EPHA6: variants seen among roughly 807,000 people sequenced by gnomAD.
The protein encoded by EPHA6 is ephrin type-A receptor 6.
EPHA6 carries 50 observed loss-of-function variants against 112.0 expected under a neutral mutation model. That is an observed-to-expected ratio of 0.45 (90% CI 0.36 to 0.56). The LOEUF is 0.56. Ranked by LOEUF, EPHA6 falls within the 20% of genes least tolerant of loss-of-function variation. EPHA6 has a pLI of 0.00. For synonymous variants in EPHA6, 529 were observed against 490.7 expected (o/e 1.08, Z -1.03); for missense variants, 1,280 against 1,417.4 (o/e 0.90, Z 1.56).
intron 14 of EPHA6, among the ~76,000 whole-genome samples, chr3:97,655,357 T>C (rs564271899): frequency 2.9e-4 from 44 of 151,896 alleles, no homozygotes; most frequent in Non-Finnish European, 3.7e-4. Flanking sequence ...TTCTGTCATA[T>C]GCAAACTCCC....
intron 7 of EPHA6, among the ~76,000 whole-genome samples, chr3:97,467,125 G>A (rs186177139): frequency 6.6e-6 from 1 of 151,600 alleles, no homozygotes; most frequent in Non-Finnish European, 1.5e-5. Flanking sequence ...AAAGAGAAAC[G>A]CTATGAGGAA....
At chr3:97,084,113 T>TATATGG (rs1402711447) in intron 3 of EPHA6, among the ~76,000 whole-genome samples, 7 of 123,666 alleles carry the variant, frequency 5.7e-5, no homozygotes, top group Admixed American at 7.7e-5. Context: ...TATATATATA[T>TATATGG]ATATATATAT....
chr3:97,025,881 C>T (rs1286289779), intron 3 of EPHA6, among the ~76,000 whole-genome samples: 1 of 152,114 alleles, frequency 6.6e-6, no homozygotes, highest in African/African-American at 2.4e-5. Flanking sequence ...AGCCACCACA[C>T]CTGGCCTACA....
At chr3:97,001,300 G>A (rs577950309) in intron 3 of EPHA6, among the ~76,000 whole-genome samples, 6 of 151,808 alleles carry the variant, frequency 4.0e-5, no homozygotes, top group Non-Finnish European at 8.8e-5. Context: ...CATTCAAATT[G>A]TTTTTAAGAT....
intron 16 of EPHA6, among the ~76,000 whole-genome samples, chr3:97,744,594 G>A (rs1332464444): frequency 6.6e-6 from 1 of 151,888 alleles, no homozygotes; most frequent in Non-Finnish European, 1.5e-5. Flanking sequence ...GGAGAGAAAG[G>A]GAATTATGGT....
chr3:97,187,582 CAA>C (rs756097255), intron 3 of EPHA6, among the ~76,000 whole-genome samples: 12 of 26,570 alleles, frequency 4.5e-4, no homozygotes, highest in Non-Finnish European at 5.3e-4. Context: ...CTCAAAACGT[CAA>C]AAAAAAAAAA....
chr3:96,956,999 C>T (rs895744986), intron 2 of EPHA6, among the ~76,000 whole-genome samples: 2 of 149,418 alleles, frequency 1.3e-5, no homozygotes, highest in Non-Finnish European at 3.0e-5. Flanking sequence ...CACCACTGCA[C>T]TCCAGCCTGG....
intron 1 of EPHA6, among the ~76,000 whole-genome samples, chr3:96,841,795 T>A (rs2034767446): frequency 6.6e-6 from 1 of 152,144 alleles, no homozygotes; most frequent in South Asian, 2.1e-4. Flanking sequence ...TTTTTATCTT[T>A]CTAAAATGTT....
chr3:97,562,006 A>G (rs979169218), intron 11 of EPHA6, among the ~76,000 whole-genome samples: 1 of 152,144 alleles, frequency 6.6e-6, no homozygotes, highest in African/African-American at 2.4e-5. Context: ...TGAGGCTACT[A>G]TTGAGACCTA....
intron 2 of EPHA6, among the ~76,000 whole-genome samples, chr3:96,948,113 C>T (rs577680766): frequency 6.6e-6 from 1 of 152,244 alleles, no homozygotes; most frequent in South Asian, 2.1e-4. Context: ...TTTTCCCCAA[C>T]TATTTTTAAA....
chr3:97,489,136 T>G (rs1168810405), intron 10 of EPHA6, among the ~76,000 whole-genome samples: 1 of 152,212 alleles, frequency 6.6e-6, no homozygotes, highest in East Asian at 1.9e-4. Flanking sequence ...TAGAAATGAC[T>G]ATTAGATTAA....
chr3:97,683,567 G>C (rs2032024481), intron 14 of EPHA6, among the ~76,000 whole-genome samples: 1 of 151,960 alleles, frequency 6.6e-6, no homozygotes. Context: ...GAGAGTGGCT[G>C]GCAAAAATAA....
intron 6 of EPHA6, among the ~76,000 whole-genome samples, chr3:97,419,335 C>G (rs1436656840): frequency 1.3e-5 from 2 of 151,052 alleles, no homozygotes; most frequent in Non-Finnish European, 3.0e-5. Flanking sequence ...ACAAACAAAA[C>G]AGAAGGGGTC....
chr3:97,468,140 GA>G (rs767637133), intron 7 of EPHA6, among the ~76,000 whole-genome samples: 7,000 of 123,918 alleles, frequency 0.056, 432 homozygotes, highest in African/African-American at 0.18. Flanking sequence ...ATCACTTTCT[GA>G]AAAAAAAAAA....
chr3:97,135,443 C>T (rs2075742722), intron 3 of EPHA6, among the ~76,000 whole-genome samples: 1 of 152,042 alleles, frequency 6.6e-6, no homozygotes, highest in South Asian at 2.1e-4. Flanking sequence ...TTTGTTGACA[C>T]ACAATAAAAA....
At chr3:97,466,297 C>A in intron 7 of EPHA6, 1 of 1,418,380 alleles carries the variant, frequency 7.1e-7, no homozygotes, top group Non-Finnish European at 9.9e-7. Context: ...CCTCAAGCAA[C>A]ATAATAAACA....
intron 5 of EPHA6, among the ~76,000 whole-genome samples, chr3:97,399,646 G>A (rs2086876498): frequency 6.6e-6 from 1 of 151,504 alleles, no homozygotes; most frequent in African/African-American, 2.4e-5. Context: ...TGAGATGATA[G>A]TTTATTGTAA....
intron 3 of EPHA6, among the ~76,000 whole-genome samples, chr3:97,187,644 G>A (rs2077177385): frequency 7.7e-6 from 1 of 130,012 alleles, no homozygotes; most frequent in South Asian, 2.4e-4. Context: ...AAGAAAAAGA[G>A]AGAGAGAAAG....
chr3:96,928,876 C>T (rs537039828), intron 2 of EPHA6, among the ~76,000 whole-genome samples: 6 of 151,946 alleles, frequency 3.9e-5, no homozygotes, highest in Admixed American at 6.6e-5. Flanking sequence ...TATGTAATAC[C>T]CTTCTTTGTC....
Sources: allele counts gnomAD v4.1 joint callset (sites outside exome capture counted in the v4.1 genomes callset), GRCh38; gene constraint gnomAD v4.1.1; transcripts MANE v1.5; gene names NCBI Gene and HGNC (gene_info 2026-07-23, HGNC 2026-07-21).